Variants in CAP2 observed in about 807,000 individuals in gnomAD.
CAP2 encodes cyclase associated actin cytoskeleton regulatory protein 2, also known as adenylyl cyclase-associated protein 2.
CAP2 carries 24 observed loss-of-function variants against 57.7 expected under a neutral mutation model. The observed-to-expected ratio is 0.42, with a 90% CI of 0.30 to 0.58. The LOEUF is 0.58. Among genes scored for constraint, CAP2 ranks in the 20% least tolerant of loss-of-function variants. The pLI, the probability that CAP2 is intolerant of heterozygous loss-of-function variation, is 0.22. For synonymous variants in CAP2, 194 were observed against 207.2 expected, an observed-to-expected ratio of 0.94 and a Z score of 0.55; for missense variants, 501 against 590.3, an observed-to-expected ratio of 0.85 and a Z score of 1.57.
At chr6:17,460,284 C>CTT (rs141562750) in intron 3 of CAP2, among the ~76,000 whole-genome samples, 20,446 of 151,952 alleles carry the variant, frequency 0.13, 4,443 homozygotes, top group African/African-American at 0.46. Context: ...TAAAAAACAA[C>CTT]TGAGAGCTTG....
chr6:17,489,381 G>A (rs1312271322), intron 4 of CAP2, among the ~76,000 whole-genome samples: 4 of 152,294 alleles, frequency 2.6e-5, no homozygotes, highest in South Asian at 2.1e-4. Flanking sequence ...GCAGTGAGCC[G>A]AGATCATGCT....
intron 4 of CAP2, among the ~76,000 whole-genome samples, chr6:17,469,416 C>T (rs1055515517): frequency 1.3e-5 from 2 of 150,102 alleles, no homozygotes; most frequent in Non-Finnish European, 3.0e-5. Context: ...CTGTGTGTGT[C>T]TGTGTGTGTG....
chr6:17,404,728 G>A (rs1270859267), intron 1 of CAP2, among the ~76,000 whole-genome samples: 1 of 143,890 alleles, frequency 6.9e-6, no homozygotes, highest in African/African-American at 2.6e-5. Context: ...CCAAGATCGC[G>A]CCACTGCACT....
At position 17,543,153 on chromosome 6, in the gene CAP2, G is replaced by A; in HGVS notation, c.1209+10G>A. 18 of 1,607,622 alleles carry A rather than the reference G, an allele frequency of 1.1e-5. No individual in the cohort carries two copies. Among genetic ancestry groups the A allele is most frequent in the Middle Eastern group, 1.7e-4 (1 of 6,046 alleles). ...GGACATTCAAATCCAGGTAAGCAGAGCCTTTCCAACCATGCTGTAATAAGC... is the reference window on the plus strand; with the variant it reads ...GGACATTCAAATCCAGGTAAGCAGAACCTTTCCAACCATGCTGTAATAAGC... On this transcript the variant is annotated intron_variant, in intron 11 of 12. Coordinates refer to ENST00000229922, the MANE Select transcript of CAP2 (RefSeq NM_006366.3).
At chr6:17,532,190 G>A in intron 7 of CAP2, among the ~76,000 whole-genome samples, 1 of 142,950 alleles carries the variant, frequency 7.0e-6, no homozygotes, top group Admixed American at 7.2e-5. Flanking sequence ...CCCCAGGCAG[G>A]AGTGCAGTGG....
chr6:17,539,513 C>T (rs1362746746), intron 8 of CAP2, 55 bp downstream of exon 8: 8 of 1,385,060 alleles, frequency 5.8e-6, no homozygotes, highest in Middle Eastern at 1.8e-4. Context: ...GGCTCCCAGA[C>T]ACAAAAGAGC....
chr6:17,546,738 A>C (rs1763056865), intron 11 of CAP2, among the ~76,000 whole-genome samples: 1 of 152,218 alleles, frequency 6.6e-6, no homozygotes, highest in South Asian at 2.1e-4. Flanking sequence ...TGAATGGGCA[A>C]AAACTGGAAG....
At position 17,454,562 on chromosome 6, in the gene CAP2, C is replaced by A. The variant is rs1442125549; in HGVS notation, c.223-8434C>A. Among the ~76,000 whole-genome samples, 3 of 152,132 alleles carry A rather than the reference C, an allele frequency of 2.0e-5. No homozygotes were observed. In the East Asian group the frequency reaches 5.8e-4, roughly 29 times the overall value. ...TGTAATCTCCCATTATCATGGCTGC[C>A]CTGTGCTCAGCAGAGAGGCAAAGTG... On this transcript the variant is annotated intron_variant, in intron 3 of 12. Transcript: ENST00000229922.
chr6:17,454,561 C>G (rs1015109035), intron 3 of CAP2, among the ~76,000 whole-genome samples: 1 of 152,180 alleles, frequency 6.6e-6, no homozygotes, highest in African/African-American at 2.4e-5. Context: ...ATCATGGCTG[C>G]CCTGTGCTCA....
At chr6:17,523,938 G>T (rs1762443159) in intron 7 of CAP2, among the ~76,000 whole-genome samples, 1 of 152,148 alleles carries the variant, frequency 6.6e-6, no homozygotes, top group Admixed American at 6.5e-5. Flanking sequence ...GCTGGGCGTG[G>T]TGACGCATGC....
chr6:17,519,683 A>G (rs1762348449), intron 7 of CAP2, among the ~76,000 whole-genome samples: 1 of 152,198 alleles, frequency 6.6e-6, no homozygotes, highest in Admixed American at 6.5e-5. Flanking sequence ...CAGAGCTGTA[A>G]TATTCCTTGG....
chr6:17,461,188 CA>C (rs571318175), intron 3 of CAP2, among the ~76,000 whole-genome samples: 227 of 142,182 alleles, frequency 1.6e-3, no homozygotes, highest in African/African-American at 3.9e-3. Context: ...AACAAAACAA[CA>C]AAAAAAAAAA....
At chr6:17,405,380 T>G (rs972051114) in intron 1 of CAP2, among the ~76,000 whole-genome samples, 1 of 152,086 alleles carries the variant, frequency 6.6e-6, no homozygotes, top group Admixed American at 6.6e-5. Context: ...AGACCCCATC[T>G]CAAAATTTAA....
chr6:17,495,667 C>T (rs757896299), intron 4 of CAP2, among the ~76,000 whole-genome samples: 26 of 152,004 alleles, frequency 1.7e-4, no homozygotes, highest in Admixed American at 1.2e-3. Flanking sequence ...CCCCCTTGGA[C>T]GACAAAGAAG....
chr6:17,518,117 A>C (rs556198211), intron 7 of CAP2, among the ~76,000 whole-genome samples: 40 of 152,276 alleles, frequency 2.6e-4, no homozygotes, highest in Middle Eastern at 3.4e-3. Context: ...AGAGAAAATG[A>C]TAAAGTTTTG....
intron 7 of CAP2, 60 bp downstream of exon 7, chr6:17,514,014 G>C: frequency 9.9e-7 from 1 of 1,005,616 alleles, no homozygotes; most frequent in Non-Finnish European, 1.6e-6. Flanking sequence ...TATACACCCT[G>C]TGGCCCAGTA....
At chr6:17,454,456 T>A (rs1760501927) in intron 3 of CAP2, among the ~76,000 whole-genome samples, 1 of 152,236 alleles carries the variant, frequency 6.6e-6, no homozygotes, top group Admixed American at 6.5e-5. Context: ...CATTCTGTCC[T>A]CGGCCTGCAG....
At chr6:17,536,242 A>G (rs750813708) in intron 7 of CAP2, 2 of 456,656 alleles carry the variant, frequency 4.4e-6, no homozygotes, top group Admixed American at 2.3e-5. Flanking sequence ...CCACAGAATG[A>G]GAAGAGACGG....
chr6:17,423,625 A>C (rs1212675538), intron 2 of CAP2, among the ~76,000 whole-genome samples: 1 of 150,674 alleles, frequency 6.6e-6, no homozygotes, highest in East Asian at 1.9e-4. Flanking sequence ...TTGAGTAAAG[A>C]AAAAAAAAAT....
Sources: allele counts gnomAD v4.1 joint callset (sites outside exome capture counted in the v4.1 genomes callset), GRCh38; gene constraint gnomAD v4.1.1; transcripts MANE v1.5; gene names NCBI Gene and HGNC (gene_info 2026-07-23, HGNC 2026-07-21).